Variants in ASIC2 observed in about 807,000 individuals in gnomAD.
ASIC2 encodes the protein acid sensing ion channel subunit 2.
Under a neutral mutation model 57.3 loss-of-function variants are expected in ASIC2, and 25 were observed. The observed-to-expected ratio is 0.44, with a 90% CI of 0.32 to 0.61. ASIC2 has a LOEUF of 0.61. Ranked by LOEUF, ASIC2 falls within the 20% of genes least tolerant of loss-of-function variation. The pLI, the probability that ASIC2 is intolerant of heterozygous loss-of-function variation, is 0.06. For missense variants in ASIC2, 641 were observed against 738.1 expected, an observed-to-expected ratio of 0.87 and a Z score of 1.52; for synonymous variants, 319 against 307.5, an observed-to-expected ratio of 1.04 and a Z score of -0.39.
chr17:33,025,858 G>C, intron 5 of ASIC2, 68 bp downstream of exon 5: 2 of 1,446,742 alleles, frequency 1.4e-6, no homozygotes, highest in Non-Finnish European at 9.4e-7. Flanking sequence ...CCCAAACCCA[G>C]ATGATTTCCA....
At chr17:33,910,746 G>A (rs993334759) in intron 1 of ASIC2, among the ~76,000 whole-genome samples, 2 of 152,182 alleles carry the variant, frequency 1.3e-5, no homozygotes, top group African/African-American at 4.8e-5. Context: ...TGCCTCTCTG[G>A]AGGGAAGTAG....
intron 1 of ASIC2, among the ~76,000 whole-genome samples, chr17:33,699,915 G>A (rs1217726591): frequency 6.6e-6 from 1 of 152,074 alleles, no homozygotes; most frequent in Non-Finnish European, 1.5e-5. Context: ...TTCGTTTTTA[G>A]CAAGTTAGCC....
intron 1 of ASIC2, among the ~76,000 whole-genome samples, chr17:33,666,797 C>T (rs61285137): frequency 0.11 from 16,455 of 152,220 alleles, 904 homozygotes; most frequent in Non-Finnish European, 0.11. Context: ...TAGGGAGTTG[C>T]TAAGGTCTGC....
chr17:34,092,672 T>C (rs1910375994), intron 1 of ASIC2, among the ~76,000 whole-genome samples: 1 of 152,204 alleles, frequency 6.6e-6, no homozygotes, highest in East Asian at 1.9e-4. Context: ...CTCATTTTAG[T>C]TTTTAAAATA....
At chr17:33,398,090 C>T (rs950147374) in intron 1 of ASIC2, among the ~76,000 whole-genome samples, 2 of 152,186 alleles carry the variant, frequency 1.3e-5, no homozygotes. Flanking sequence ...CTGACACTAA[C>T]CGACTCTATG....
At chr17:33,779,300 G>A (rs1392711851) in intron 1 of ASIC2, among the ~76,000 whole-genome samples, 3 of 152,112 alleles carry the variant, frequency 2.0e-5, no homozygotes, top group Non-Finnish European at 4.4e-5. Flanking sequence ...CCCTCCAGAT[G>A]GCGGTGTTCA....
chr17:34,112,254 GATA>G (rs1421785130), intron 1 of ASIC2, among the ~76,000 whole-genome samples: 7 of 151,968 alleles, frequency 4.6e-5, no homozygotes, highest in African/African-American at 1.7e-4. Context: ...GTAAAACAGT[GATA>G]ATATTTACCT....
intron 1 of ASIC2, among the ~76,000 whole-genome samples, chr17:33,729,805 C>T (rs1239344510): frequency 6.6e-6 from 1 of 152,100 alleles, no homozygotes; most frequent in Admixed American, 6.6e-5. Context: ...TCCTTAACAC[C>T]TCAGTAGTAT....
At chr17:33,088,704 G>A (rs953394745) in intron 3 of ASIC2, among the ~76,000 whole-genome samples, 159 bp downstream of exon 3, 3 of 152,208 alleles carry the variant, frequency 2.0e-5, no homozygotes, top group African/African-American at 4.8e-5. Context: ...GGAACAACAG[G>A]TGGTACAGGA....
chr17:33,332,907 T>TA (rs1336975505), intron 1 of ASIC2, among the ~76,000 whole-genome samples: 3 of 151,976 alleles, frequency 2.0e-5, no homozygotes, highest in Admixed American at 2.0e-4. Flanking sequence ...AAACAAATAA[T>TA]AAAAAAACAA....
chr17:33,496,728 A>G (rs2141938694), intron 1 of ASIC2, among the ~76,000 whole-genome samples: 1 of 143,524 alleles, frequency 7.0e-6, no homozygotes, highest in Admixed American at 7.6e-5. Context: ...AGCAATTCTC[A>G]TACCTCAGCT....
intron 1 of ASIC2, among the ~76,000 whole-genome samples, chr17:34,030,970 T>A (rs984774416): frequency 6.6e-6 from 1 of 152,188 alleles, no homozygotes; most frequent in African/African-American, 2.4e-5. Context: ...AGCAATAACC[T>A]CTGCAGAATT....
chr17:34,085,966 T>C (rs1212090432), intron 1 of ASIC2, among the ~76,000 whole-genome samples: 1 of 151,886 alleles, frequency 6.6e-6, no homozygotes, highest in Non-Finnish European at 1.5e-5. Context: ...TCTATCAATT[T>C]TGTTGATCCT....
chr17:33,438,846 ACC>A (rs1332606303), intron 1 of ASIC2, among the ~76,000 whole-genome samples: 1 of 135,506 alleles, frequency 7.4e-6, no homozygotes, highest in Admixed American at 7.5e-5. Flanking sequence ...TGGCAGGGGA[ACC>A]TTTTTTTTTT....
chr17:33,828,287 G>A (rs1913001896), intron 1 of ASIC2: 1 of 152,124 alleles, frequency 6.6e-6, no homozygotes, highest in Admixed American at 6.5e-5. Context: ...TACATATAGT[G>A]CTCTGTAATC....
intron 1 of ASIC2, among the ~76,000 whole-genome samples, chr17:33,128,485 C>T (rs980818755): frequency 2.6e-5 from 4 of 152,176 alleles, no homozygotes; most frequent in African/African-American, 9.7e-5. Flanking sequence ...GTTTACTGGG[C>T]AGTGTCCTTG....
chr17:34,012,212 C>T (rs1906793146), intron 1 of ASIC2, among the ~76,000 whole-genome samples: 1 of 152,160 alleles, frequency 6.6e-6, no homozygotes, highest in Non-Finnish European at 1.5e-5. Flanking sequence ...ACTCCAGGCC[C>T]CCGAACCACC....
intron 3 of ASIC2, among the ~76,000 whole-genome samples, chr17:33,048,428 G>T (rs547087492): frequency 6.6e-6 from 1 of 152,308 alleles, no homozygotes; most frequent in East Asian, 1.9e-4. Flanking sequence ...GGAAACTGGG[G>T]ATGGCCAGCG....
intron 1 of ASIC2, among the ~76,000 whole-genome samples, chr17:34,106,760 T>G (rs1244537269): frequency 6.6e-6 from 1 of 152,196 alleles, no homozygotes; most frequent in Non-Finnish European, 1.5e-5. Context: ...CCACCATGTT[T>G]TAAAGCACTT....
Sources: allele counts gnomAD v4.1 joint callset (sites outside exome capture counted in the v4.1 genomes callset), GRCh38; gene constraint gnomAD v4.1.1; transcripts MANE v1.5; gene names NCBI Gene and HGNC (gene_info 2026-07-23, HGNC 2026-07-21).